Variants in PDSS2 observed in about 807,000 individuals in gnomAD.
PDSS2 encodes decaprenyl diphosphate synthase subunit 2.
A neutral mutation model predicts 44.5 loss-of-function variants in PDSS2; 31 were observed. The ratio of observed to expected loss-of-function variants is 0.70; its 90% CI spans 0.52 to 0.94. PDSS2 has a LOEUF of 0.94. Among genes scored for constraint, PDSS2 ranks in the 40% least tolerant of loss-of-function variants. PDSS2 has a pLI of 0.00. For synonymous variants in PDSS2, 157 were observed against 180.3 expected (o/e 0.87, Z 1.03); for missense variants, 452 against 482.2 (o/e 0.94, Z 0.59).
intron 1 of PDSS2, among the ~76,000 whole-genome samples, chr6:107,382,250 T>G (rs1779476113): frequency 6.6e-6 from 1 of 152,096 alleles, no homozygotes; most frequent in African/African-American, 2.4e-5. Flanking sequence ...AGCTAATACT[T>G]TTTTCTTTCC....
intron 6 of PDSS2, among the ~76,000 whole-genome samples, chr6:107,199,778 C>G (rs9480750): frequency 0.027 from 4,078 of 152,140 alleles, 186 homozygotes; most frequent in African/African-American, 0.092. Context: ...AGGGAATGTA[C>G]AGGAAAAACG....
intron 4 of PDSS2, among the ~76,000 whole-genome samples, chr6:107,224,209 G>T (rs1185735530): frequency 6.6e-6 from 1 of 151,424 alleles, no homozygotes; most frequent in Non-Finnish European, 1.5e-5. Flanking sequence ...ACTCCTTATT[G>T]TGGACAGGAC....
At chr6:107,176,542 T>C (rs1408379310) in intron 7 of PDSS2, among the ~76,000 whole-genome samples, 2 of 152,232 alleles carry the variant, frequency 1.3e-5, no homozygotes, top group South Asian at 2.1e-4. Context: ...TAAAACTGTA[T>C]GGCTATTATG....
intron 1 of PDSS2, among the ~76,000 whole-genome samples, chr6:107,409,413 T>C (rs1356245039): frequency 1.3e-5 from 2 of 152,148 alleles, no homozygotes; most frequent in Non-Finnish European, 2.9e-5. Flanking sequence ...AGGGAAATAT[T>C]GCTGGAAAAG....
At chr6:107,352,763 AT>A (rs1299008708) in intron 1 of PDSS2, among the ~76,000 whole-genome samples, 2 of 152,114 alleles carry the variant, frequency 1.3e-5, no homozygotes, top group East Asian at 3.8e-4. Context: ...CAAAAGAGAT[AT>A]TTTTGGTTGC....
chr6:107,229,688 A>G (rs1298231364), intron 4 of PDSS2: 2 of 152,186 alleles, frequency 1.3e-5, no homozygotes, highest in African/African-American at 4.8e-5. Context: ...CTGTAGGCAT[A>G]CATGTACAAT....
chr6:107,282,204 C>T lies in PDSS2; in HGVS notation c.432-7977G>A, dbSNP rs571758184. ...TAGAGGTGTGAGCCACTGCACCCAGCCACCATTAATGTATAAAGGCTATAG... is the reference window on the plus strand; with the variant it reads ...TAGAGGTGTGAGCCACTGCACCCAGTCACCATTAATGTATAAAGGCTATAG... On this transcript the variant is annotated intron_variant, in intron 2 of 7. Coordinates refer to ENST00000369037, the MANE Select transcript of PDSS2 (RefSeq NM_020381.4). 7.4e-4 allele frequency among the ~76,000 whole-genome samples: 113 copies of T among 152,220 alleles called. 1 individual carries two copies. Among genetic ancestry groups the T allele is most frequent in the African/African-American group, 2.5e-3 (103 of 41,512 alleles).
intron 1 of PDSS2, among the ~76,000 whole-genome samples, chr6:107,409,418 GA>G (rs1780422251): frequency 6.6e-6 from 1 of 151,972 alleles, no homozygotes; most frequent in Non-Finnish European, 1.5e-5. Flanking sequence ...AATATTGCTG[GA>G]AAAGAGGAGA....
At chr6:107,301,432 C>T (rs564939187) in intron 2 of PDSS2, among the ~76,000 whole-genome samples, 1 of 149,620 alleles carries the variant, frequency 6.7e-6, no homozygotes, top group African/African-American at 2.4e-5. Context: ...AAACACTTTA[C>T]CATTTTTTGA....
chr6:107,254,268 G>C (rs1191595771), intron 3 of PDSS2, among the ~76,000 whole-genome samples: 1 of 151,788 alleles, frequency 6.6e-6, no homozygotes, highest in Non-Finnish European at 1.5e-5. Context: ...ACCTGACCTC[G>C]TGATCTGCCC....
chr6:107,421,839 C>T (rs997493770), intron 1 of PDSS2, among the ~76,000 whole-genome samples: 3 of 149,960 alleles, frequency 2.0e-5, no homozygotes, highest in Admixed American at 6.6e-5. Flanking sequence ...CACACACAAA[C>T]GAATGCATGT....
chr6:107,331,764 T>C (rs1180973606), intron 2 of PDSS2, among the ~76,000 whole-genome samples: 1 of 152,204 alleles, frequency 6.6e-6, no homozygotes, highest in Non-Finnish European at 1.5e-5. Flanking sequence ...AACTTACTTA[T>C]GTAACAAATA....
intron 4 of PDSS2, among the ~76,000 whole-genome samples, chr6:107,239,602 T>C (rs1259679682): frequency 6.6e-6 from 1 of 151,688 alleles, no homozygotes; most frequent in Non-Finnish European, 1.5e-5. Flanking sequence ...TTTTTCTGTT[T>C]TCAATTATTA....
At chr6:107,452,195 T>C (rs1174988397) in intron 1 of PDSS2, among the ~76,000 whole-genome samples, 1 of 150,344 alleles carries the variant, frequency 6.7e-6, no homozygotes, top group East Asian at 2.0e-4. Flanking sequence ...CACAAGCTTT[T>C]TCCCCTATTT....
At chr6:107,423,961 C>G (rs1780905972) in intron 1 of PDSS2, among the ~76,000 whole-genome samples, 4 of 151,856 alleles carry the variant, frequency 2.6e-5, no homozygotes, top group Admixed American at 1.3e-4. Flanking sequence ...AGTGTTCTAC[C>G]CTGAAGTCCT....
chr6:107,400,795 G>C (rs1780083309), intron 1 of PDSS2, among the ~76,000 whole-genome samples: 2 of 152,138 alleles, frequency 1.3e-5, no homozygotes, highest in African/African-American at 4.8e-5. Flanking sequence ...CCTGCCATTG[G>C]AGGGCCTGAG....
At chr6:107,412,207 C>CAAACT (rs1486026514) in intron 1 of PDSS2, among the ~76,000 whole-genome samples, 1 of 142,776 alleles carries the variant, frequency 7.0e-6, no homozygotes, top group Admixed American at 7.1e-5. Flanking sequence ...CTTTTTCTGT[C>CAAACT]AAACTATCTG....
chr6:107,178,426 T>G lies in PDSS2; in HGVS notation c.1041+15396A>C, dbSNP rs74824833. On this transcript the variant is annotated intron_variant, in intron 7 of 7. Coordinates refer to ENST00000369037, the MANE Select transcript of PDSS2 (RefSeq NM_020381.4). Reference sequence around the variant, plus strand: ...AAGGTGTATTTGTTAACTTAGATTGTGCCTCTTTCAAGAGAATGATGATCA... The same window carrying G: ...AAGGTGTATTTGTTAACTTAGATTGGGCCTCTTTCAAGAGAATGATGATCA... Among the ~76,000 whole-genome samples, 393 of 152,318 alleles carry G rather than the reference T, an allele frequency of 2.6e-3. 11 individuals carry two copies. The East Asian group carries it at 0.06, about 23-fold the overall frequency.
chr6:107,402,620 C>T (rs887952425), intron 1 of PDSS2, among the ~76,000 whole-genome samples: 3 of 146,792 alleles, frequency 2.0e-5, no homozygotes, highest in African/African-American at 7.6e-5. Flanking sequence ...GCTAGAGAGG[C>T]CTCACAATCA....
Sources: allele counts gnomAD v4.1 joint callset (sites outside exome capture counted in the v4.1 genomes callset), GRCh38; gene constraint gnomAD v4.1.1; transcripts MANE v1.5; gene names NCBI Gene and HGNC (gene_info 2026-07-23, HGNC 2026-07-21).